Variants in ANO3 observed in about 807,000 individuals in gnomAD.
ANO3 encodes the protein anoctamin-3.
ANO3 carries 99 observed loss-of-function variants against 144.8 expected under a neutral mutation model. The ratio of observed to expected loss-of-function variants is 0.68; its 90% confidence interval spans 0.58 to 0.81. The LOEUF (loss-of-function observed/expected upper bound fraction) is 0.81, where lower values mean the gene tolerates loss of function less well. Among genes scored for constraint, ANO3 ranks in the 30% least tolerant of loss-of-function variants. ANO3 has a pLI of 0.00. For synonymous variants in ANO3, 414 were observed against 392.6 expected (o/e 1.05, Z -0.64); for missense variants, 905 against 1,202.2 (o/e 0.75, Z 3.66).
Position 26,272,084 on chromosome 11 carries a change from T to C in ANO3, c.155-37561T>C, listed in dbSNP as rs540233051. 3.3e-5 allele frequency among the ~76,000 whole-genome samples: 5 copies of C among 152,216 alleles called. No homozygotes were observed. The South Asian group carries it at 1.0e-3, about 32-fold the overall frequency. The stretch of plus-strand genomic sequence containing the variant: ...CCATGTGATGCTAATCGTCTCCCGG[T>C]GAGCGGTTCCTCTCTCCAGTAAATG... On this transcript the variant is annotated intron_variant, in intron 1 of 27. Transcript: ENST00000672621.
chr11:26,505,910 G>T (rs1409667518), intron 4 of ANO3, among the ~76,000 whole-genome samples: 1 of 148,754 alleles, frequency 6.7e-6, no homozygotes, highest in Non-Finnish European at 1.5e-5. Flanking sequence ...GGAGAATGGC[G>T]TGAATCCCGG....
intron 1 of ANO3, among the ~76,000 whole-genome samples, chr11:26,405,435 G>T (rs1857254298): frequency 6.6e-6 from 1 of 151,728 alleles, no homozygotes; most frequent in African/African-American, 2.4e-5. Context: ...ATTAGATGTT[G>T]TTACTTTTCC....
intron 24 of ANO3, among the ~76,000 whole-genome samples, chr11:26,649,089 T>A (rs565598598): frequency 4.7e-4 from 71 of 152,344 alleles, no homozygotes; most frequent in South Asian, 4.1e-3. Context: ...TGCCTTTTTT[T>A]AAAATTTTAT....
At chr11:26,308,224 T>C (rs1854428009), upstream of ANO3, among the ~76,000 whole-genome samples, 1 of 152,220 alleles carries the variant, frequency 6.6e-6, no homozygotes, top group Non-Finnish European at 1.5e-5. Context: ...ATTCAAGTTT[T>C]CTCTCTGTGA....
chr11:26,260,635 T>TTGA (rs1434518350), intron 1 of ANO3, among the ~76,000 whole-genome samples: 3 of 152,168 alleles, frequency 2.0e-5, no homozygotes, highest in African/African-American at 7.2e-5. Context: ...AACCAAGGTA[T>TTGA]GTGATTCCAG....
At chr11:26,545,709 ATAT>A (rs1263946981) in intron 11 of ANO3, among the ~76,000 whole-genome samples, 1 of 72,252 alleles carries the variant, frequency 1.4e-5, no homozygotes, top group Non-Finnish European at 3.2e-5. Flanking sequence ...CAAGGCACAA[ATAT>A]TAAAAAAAAA....
At chr11:26,629,106 T>G (rs78776364) in intron 18 of ANO3, among the ~76,000 whole-genome samples, 1,875 of 152,214 alleles carry the variant, frequency 0.012, 45 homozygotes, top group African/African-American at 0.043. Context: ...GGACACCAGT[T>G]TAACTGCTAC....
At chr11:26,554,888 T>G (rs981206761) in intron 13 of ANO3, among the ~76,000 whole-genome samples, 1 of 152,188 alleles carries the variant, frequency 6.6e-6, no homozygotes, top group Admixed American at 6.6e-5. Context: ...TACCATCTTG[T>G]AATCTGTTGT....
chr11:26,489,067 A>G (rs1388081884), intron 4 of ANO3, among the ~76,000 whole-genome samples: 1 of 152,190 alleles, frequency 6.6e-6, no homozygotes, highest in African/African-American at 2.4e-5. Context: ...CACCCGACCC[A>G]GAAGCCCAGC....
At position 26,350,292 on chromosome 11, in the gene ANO3, A is replaced by C. The variant is rs560241166; in HGVS notation, c.46+17971A>C. Among the ~76,000 whole-genome samples the C allele has an allele frequency of 6.6e-5, 10 of 152,222 alleles. No individual in the cohort carries two copies. The South Asian group carries it at 1.9e-3, about 28-fold the overall frequency. ...ACGAGTAGTGTGGTGGGCCCCGCAC[A>C]AGTATGGGCTTGCTGGGCTGGGACC... On this transcript the variant is annotated intron_variant, in intron 1 of 26. Transcript: ENST00000256737.
At chr11:26,595,460 GTTTTTTTTTTT>G (rs201712393) in intron 14 of ANO3, among the ~76,000 whole-genome samples, 5 of 101,388 alleles carry the variant, frequency 4.9e-5, no homozygotes, top group African/African-American at 2.1e-4. Context: ...AGATAGAGTT[GTTTTTTTTTTT>G]TTTTTTTTTT....
rs529542005 is a variant in ANO3 at position 26,394,550 on chromosome 11, A to T, written c.47-47368A>T. 2.0e-5 allele frequency among the ~76,000 whole-genome samples: 3 copies of T among 149,818 alleles called. No individual in the cohort carries two copies. The East Asian group carries it at 6.0e-4, about 30-fold the overall frequency. ...TAATAGGAGATAGATGGAAAACATT[A>T]AAAAAATTGATTTCATTTTCTTTTT... On this transcript the variant is annotated intron_variant, in intron 1 of 26. Coordinates refer to ENST00000256737, the MANE Select transcript of ANO3 (RefSeq NM_031418.4).
chr11:26,192,923 T>G (rs2133904233), intron 1 of ANO3, among the ~76,000 whole-genome samples: 1 of 152,212 alleles, frequency 6.6e-6, no homozygotes. Flanking sequence ...ATGTCTTTTT[T>G]TTATTATACT....
intron 14 of ANO3, among the ~76,000 whole-genome samples, chr11:26,593,789 G>GC (rs1851524238): frequency 1.3e-5 from 2 of 152,110 alleles, no homozygotes; most frequent in African/African-American, 2.4e-5. Context: ...GATTTGCCCA[G>GC]CCTTTCCCTG....
At chr11:26,394,570 C>CTTTTTTTTTTTTTTTTTTTTTTTTT (rs56118844) in intron 1 of ANO3, among the ~76,000 whole-genome samples, 4 of 115,752 alleles carry the variant, frequency 3.5e-5, no homozygotes, top group Non-Finnish European at 5.3e-5. Flanking sequence ...ATTTCATTTT[C>CTTTTTTTTTTTTTTTTTTTTTTTTT]TTTTTTTTTT....
chr11:26,369,275 G>A (rs1856182193), intron 1 of ANO3, among the ~76,000 whole-genome samples: 1 of 152,042 alleles, frequency 6.6e-6, no homozygotes, highest in African/African-American at 2.4e-5. Flanking sequence ...AGGGCATTTA[G>A]GAACTCTTTC....
chr11:26,617,286 C>A (rs902715264), intron 17 of ANO3, among the ~76,000 whole-genome samples: 1 of 152,154 alleles, frequency 6.6e-6, no homozygotes, highest in African/African-American at 2.4e-5. Flanking sequence ...TTCTCTTTCT[C>A]TTATAAGGTT....
intron 1 of ANO3, among the ~76,000 whole-genome samples, chr11:26,315,320 T>A (rs573639598): frequency 1.3e-5 from 2 of 152,296 alleles, no homozygotes; most frequent in Admixed American, 1.3e-4. Flanking sequence ...GTTTTTCTAA[T>A]CTTCTGCTCT....
intron 1 of ANO3, among the ~76,000 whole-genome samples, chr11:26,416,493 C>T (rs1857589997): frequency 2.6e-5 from 4 of 151,208 alleles, no homozygotes; most frequent in African/African-American, 7.3e-5. Flanking sequence ...GTGGCAAGAT[C>T]TTGGCTCACT....
Sources: allele counts gnomAD v4.1 joint callset (sites outside exome capture counted in the v4.1 genomes callset), GRCh38; gene constraint gnomAD v4.1.1; transcripts MANE v1.5; gene names NCBI Gene and HGNC (gene_info 2026-07-23, HGNC 2026-07-21).